The following MEGF11 variants were observed in gnomAD, a reference collection of about 807,000 sequenced individuals.
The protein encoded by MEGF11 is multiple EGF like domains 11, also known as multiple epidermal growth factor-like domains protein 11.
MEGF11 carries 126 observed loss-of-function variants against 146.6 expected under a neutral mutation model. The ratio of observed to expected loss-of-function variants is 0.86; its 90% CI spans 0.74 to 1.00. The LOEUF is 1.00. Among genes scored for constraint, MEGF11 ranks in the 50% least tolerant of loss-of-function variants. The pLI is 0.00. For synonymous variants in MEGF11, 532 were observed against 583.4 expected (o/e 0.91, Z 1.27); for missense variants, 1,509 against 1,521.2 (o/e 0.99, Z 0.13).
intron 1 of MEGF11, among the ~76,000 whole-genome samples, chr15:66,173,087 C>T (rs1371137514): frequency 6.6e-6 from 1 of 152,188 alleles, no homozygotes; most frequent in Non-Finnish European, 1.5e-5. Context: ...CAGCACGTTC[C>T]AGATGTCGGG....
At chr15:66,160,898 A>T (rs1162586360) in intron 1 of MEGF11, among the ~76,000 whole-genome samples, 1 of 152,178 alleles carries the variant, frequency 6.6e-6, no homozygotes, top group Non-Finnish European at 1.5e-5. Context: ...AGTGGCCTGG[A>T]GGACCTTGCT....
intron 9 of MEGF11, among the ~76,000 whole-genome samples, chr15:65,959,273 A>G (rs2080772256): frequency 6.6e-6 from 1 of 152,226 alleles, no homozygotes; most frequent in African/African-American, 2.4e-5. Flanking sequence ...AAATTAATTA[A>G]TGAGCAAACT....
intron 1 of MEGF11, among the ~76,000 whole-genome samples, chr15:66,172,538 C>A (rs1312730656): frequency 6.6e-6 from 1 of 152,134 alleles, no homozygotes; most frequent in Non-Finnish European, 1.5e-5. Context: ...CACAGGCTGC[C>A]TGTGTCATGA....
In MEGF11 at chr15:66,067,808, T is replaced by C. The variant is rs993872699; in HGVS notation, c.394+26594A>G. On this transcript the variant is annotated intron_variant, in intron 5 of 25. Coordinates refer to ENST00000395614, the MANE Select transcript of MEGF11 (RefSeq NM_001385028.1). ...GTCATTACTGGCTGGTTTATAGTCA[T>C]GAGGCCCTTTTCCAGTTCGCTAAAT... Among the ~76,000 whole-genome samples the C allele has an allele frequency of 3.3e-5, 5 of 152,360 alleles. No individual in the cohort carries two copies. In the South Asian group the frequency reaches 8.3e-4, roughly 25 times the overall value.
In MEGF11 at chr15:65,913,794, G is replaced by A; in HGVS notation, c.2653C>T (p.Pro885Ser). The part of the protein sequence containing the change: ...RQKEKGRDLA[P>S]RVSYTPAMRM... ...ATGGCAGGTGTGTAGGAGACACGGG[G>A]AGCCAGGTCTCGGCCCTTCTCTTTC... Residue 885 changes from proline to serine, a missense_variant, in exon 20 of 26, where the codon CCC (proline) becomes TCC (serine). Coordinates refer to ENST00000395614, the MANE Select transcript of MEGF11 (RefSeq NM_001385028.1). 6.2e-7 allele frequency: 1 copy of A among 1,613,848 alleles called. No individual in the cohort carries two copies. Among genetic ancestry groups the A allele is most frequent in the Admixed American group, 1.7e-5 (1 of 60,016 alleles).
intron 1 of MEGF11, among the ~76,000 whole-genome samples, chr15:66,227,232 C>T (rs1246219481): frequency 6.6e-6 from 1 of 152,116 alleles, no homozygotes; most frequent in Non-Finnish European, 1.5e-5. Flanking sequence ...CCCTGCTGTG[C>T]TGCTTACTGA....
At position 66,157,185 on chromosome 15, in the gene MEGF11, C is replaced by T. The variant is rs772781974; in HGVS notation, c.-8-28774G>A. 2.2e-4 allele frequency among the ~76,000 whole-genome samples: 33 copies of T among 152,206 alleles called. 1 individual carries two copies. The highest frequency in any genetic ancestry group is 7.5e-4 in the African/African-American group (31 of 41,450). On this transcript the variant is annotated intron_variant, in intron 1 of 25. Transcript: ENST00000395614. ...CATATGTGGTATTGACAACCCCACA[C>T]GGACAACAGTACCTAGGCCATGTCT...
rs1169589606 is a variant in MEGF11 at position 66,141,289 on chromosome 15, T to TGAGAGAGA, written c.-8-12886_-8-12879dup. Among the ~76,000 whole-genome samples the TGAGAGAGA allele has an allele frequency of 8.3e-3, 843 of 101,108 alleles. 39 individuals are homozygous for TGAGAGAGA. The highest frequency in any genetic ancestry group is 0.014 in the South Asian group (34 of 2,478). The allele number at this position is 101,108 out of a possible 152,430, so 66.3% of individuals were successfully genotyped here. Reference sequence around the variant, plus strand: ...GTGTGTGTGTGTGTGTGTGTGTGTGTGAGAGAGAGAGAGAGAGAGACAGGG... The same window carrying TGAGAGAGA: ...GTGTGTGTGTGTGTGTGTGTGTGTGTGAGAGAGAGAGAGAGAGAGAGAGAGAGACAGGG... On this transcript the variant is annotated intron_variant, in intron 1 of 25. Transcript: ENST00000395614.
At chr15:66,214,097 A>G (rs144910307) in intron 1 of MEGF11, among the ~76,000 whole-genome samples, 28,080 of 140,692 alleles carry the variant, frequency 0.2, 3,432 homozygotes, top group Admixed American at 0.3. Context: ...GTGCAGTGGC[A>G]CAATCTTGGC....
chr15:66,242,202 T>C (rs2092223273), intron 1 of MEGF11, among the ~76,000 whole-genome samples: 1 of 150,648 alleles, frequency 6.6e-6, no homozygotes, highest in South Asian at 2.1e-4. Context: ...AGCCCAGGAG[T>C]TTGAGACCAG....
chr15:66,150,570 A>G (rs571750381), intron 1 of MEGF11, among the ~76,000 whole-genome samples: 2 of 151,964 alleles, frequency 1.3e-5, no homozygotes, highest in South Asian at 4.2e-4. Context: ...TCCCTTAAGG[A>G]AAGGGTGACT....
At chr15:66,252,585 C>T (rs796415769) in intron 1 of MEGF11, among the ~76,000 whole-genome samples, 1 of 152,196 alleles carries the variant, frequency 6.6e-6, no homozygotes, top group African/African-American at 2.4e-5. Context: ...GCCGCCCGGG[C>T]TCGGGGGCTC....
intron 8 of MEGF11, among the ~76,000 whole-genome samples, chr15:65,967,510 C>T (rs1224337609): frequency 6.6e-6 from 1 of 152,118 alleles, no homozygotes; most frequent in Non-Finnish European, 1.5e-5. Context: ...AAGTATTCTT[C>T]TACAGACAGG....
chr15:65,965,305 T>G (rs1444600044), intron 8 of MEGF11, 185 bp from the exon 9 acceptor site: 1 of 521,208 alleles, frequency 1.9e-6, no homozygotes, highest in East Asian at 3.2e-5. Context: ...TTCGCCCCAG[T>G]CATTTCTGCC....
At chr15:65,903,188 G>T (rs1037698914) in intron 24 of MEGF11, among the ~76,000 whole-genome samples, 1 of 152,148 alleles carries the variant, frequency 6.6e-6, no homozygotes, top group East Asian at 1.9e-4. Flanking sequence ...CCAAGTTTAC[G>T]CAAAGACAGA....
chr15:65,982,611 C>A lies in MEGF11; in HGVS notation c.395-123G>T. On this transcript the variant is annotated intron_variant, in intron 5 of 25. Coordinates refer to ENST00000395614, the MANE Select transcript of MEGF11 (RefSeq NM_001385028.1). The surrounding 1 kb of genome is among the most constrained non-coding windows in gnomAD (Gnocchi z 5.6). Reference sequence around the variant, plus strand: ...GCGCTGCTCCCCGGACAGGTGGCAGCAAGGGGTGCCTGGAAGCTTTGGTGC... The same window carrying A: ...GCGCTGCTCCCCGGACAGGTGGCAGAAAGGGGTGCCTGGAAGCTTTGGTGC... 1 of 1,202,698 alleles carries A rather than the reference C, an allele frequency of 8.3e-7. No individual in the cohort carries two copies. Among genetic ancestry groups the A allele is most frequent in the South Asian group, 1.9e-5 (1 of 53,662 alleles). 74.5% of individuals were successfully genotyped at this position (1,202,698 alleles called of 1,614,324 possible).
chr15:66,090,793 G>A (rs1000367680), intron 5 of MEGF11, among the ~76,000 whole-genome samples: 2 of 152,180 alleles, frequency 1.3e-5, no homozygotes, highest in Admixed American at 6.5e-5. Flanking sequence ...GGAGATTCAC[G>A]TTTATTAACA....
intron 1 of MEGF11, among the ~76,000 whole-genome samples, chr15:66,229,402 G>A (rs372972481): frequency 6.6e-6 from 1 of 152,110 alleles, no homozygotes. Context: ...CAGCTCCCTC[G>A]ACTGTTGCCA....
chr15:66,179,630 A>G (rs2090486865), intron 1 of MEGF11, among the ~76,000 whole-genome samples: 1 of 152,142 alleles, frequency 6.6e-6, no homozygotes, highest in African/African-American at 2.4e-5. Context: ...TGCAACCAGG[A>G]AAAACCTACC....
Sources: allele counts gnomAD v4.1 joint callset (sites outside exome capture counted in the v4.1 genomes callset), GRCh38; gene constraint gnomAD v4.1.1; non-coding constraint Gnocchi (gnomAD v3.1); transcripts MANE v1.5; gene names NCBI Gene and HGNC (gene_info 2026-07-23, HGNC 2026-07-21).